The following XRRA1 variants were observed in gnomAD, a reference collection of about 807,000 sequenced individuals.
XRRA1 encodes the protein X-ray radiation resistance-associated protein 1.
In XRRA1, 69 loss-of-function variants were observed where a neutral mutation model predicts 80.2. The observed-to-expected ratio is 0.86, with a 90% CI of 0.71 to 1.05. The LOEUF (loss-of-function observed/expected upper bound fraction) is 1.05. Ranked by LOEUF, XRRA1 falls within the 50% of genes least tolerant of loss-of-function variation. XRRA1 has a pLI of 0.00. For synonymous variants in XRRA1, 348 were observed against 389.9 expected (o/e 0.89, Z 1.27); for missense variants, 967 against 976.4 (o/e 0.99, Z 0.13).
At chr11:74,867,917 C>CTTTTA (rs2043807992) in intron 10 of XRRA1, among the ~76,000 whole-genome samples, 2 of 106,748 alleles carry the variant, frequency 1.9e-5, no homozygotes, top group Non-Finnish European at 3.6e-5. Context: ...TATAGTCAAT[C>CTTTTA]TTTTTTTTTT....
At chr11:74,930,167 C>A in intron 6 of XRRA1, 133 bp downstream of exon 6, 1 of 764,804 alleles carries the variant, frequency 1.3e-6, no homozygotes. Context: ...TGCTCTCCAG[C>A]ACCCAGCCTA....
intron 11 of XRRA1, among the ~76,000 whole-genome samples, chr11:74,861,300 G>A (rs1289824762): frequency 2.0e-5 from 3 of 152,228 alleles, no homozygotes; most frequent in Non-Finnish European, 4.4e-5. Context: ...CAGTGGGTGA[G>A]TGAACAAAAA....
At chr11:74,931,011 T>G (rs1031055718) in intron 5 of XRRA1, among the ~76,000 whole-genome samples, 6 of 152,084 alleles carry the variant, frequency 3.9e-5, no homozygotes, top group African/African-American at 1.4e-4. Flanking sequence ...TTTGCCATGA[T>G]GCCCAGGCTG....
Position 74,940,879 on chromosome 11 carries a change from C to T in XRRA1, c.-1G>A, listed in dbSNP as rs779454903. ...GCTTGTAGATTCCTGAGAAGGCCAT[C>T]TCCCTGAGAGCCAGGCAAGGAAAGC... On this transcript the variant is annotated 5_prime_UTR_variant, in exon 3 of 19. Coordinates refer to ENST00000684022, the MANE Select transcript of XRRA1 (RefSeq NM_001378157.1). 1.2e-6 allele frequency: 2 copies of T among 1,605,362 alleles called. No homozygotes were observed.
chr11:74,906,886 G>T, intron 9 of XRRA1: 1 of 462,366 alleles, frequency 2.2e-6, no homozygotes, highest in South Asian at 3.8e-5. Flanking sequence ...TCCTATCTTG[G>T]GTAAAATCTC....
intron 12 of XRRA1, 57 bp from the exon 13 acceptor site, chr11:74,852,139 G>T: frequency 1.4e-6 from 2 of 1,422,612 alleles, no homozygotes; most frequent in Non-Finnish European, 2.0e-6. Context: ...CTCTACCCAG[G>T]TATGTCTAGG....
intron 8 of XRRA1, chr11:74,910,892 G>A (rs965229933): frequency 2.0e-5 from 3 of 152,330 alleles, no homozygotes; most frequent in African/African-American, 7.2e-5. Context: ...TTGGGCTAAT[G>A]CTCAGGTTCT....
At chr11:74,893,191 T>C (rs955636294) in intron 10 of XRRA1, among the ~76,000 whole-genome samples, 14 of 152,204 alleles carry the variant, frequency 9.2e-5, no homozygotes, top group Admixed American at 5.2e-4. Context: ...ATTAAGAAAA[T>C]GTGCCACATA....
At chr11:74,929,288 G>C (rs560558047) in intron 6 of XRRA1, among the ~76,000 whole-genome samples, 137 of 151,922 alleles carry the variant, frequency 9.0e-4, no homozygotes, top group African/African-American at 3.2e-3. Context: ...CTAAATCTCT[G>C]TCTGTCTCTC....
intron 2 of XRRA1, among the ~76,000 whole-genome samples, chr11:74,944,131 T>C (rs116209238): frequency 6.6e-6 from 1 of 152,312 alleles, no homozygotes; most frequent in African/African-American, 2.4e-5. Flanking sequence ...CTGTGAAGTC[T>C]TTCATCAGTA....
intron 8 of XRRA1, among the ~76,000 whole-genome samples, chr11:74,908,428 A>C (rs1354134788): frequency 4.6e-5 from 7 of 152,166 alleles, no homozygotes; most frequent in African/African-American, 1.7e-4. Context: ...GGGAAATGGA[A>C]GGGGGAGCTG....
rs770330467 is a variant in XRRA1 at position 74,937,027 on chromosome 11, T to C, written c.136A>G (p.Lys46Glu). 3 of 1,613,936 alleles carry C rather than the reference T, an allele frequency of 1.9e-6. No individual in the cohort carries two copies. The highest frequency in any genetic ancestry group is 1.1e-5 in the South Asian group (1 of 91,064). Reference protein sequence around the residue: ...WLVVQKGNLKKKPKGLVGAQA... With the variant: ...WLVVQKGNLKEKPKGLVGAQA... The stretch of plus-strand genomic sequence containing the variant: ...GCTCCAACCAAACCCTTGGGCTTCT[T>C]CTTGAGGTTACCTTTCTGAACCACT... The change falls in exon 4 of 19, where the codon AAG (lysine) becomes GAG (glutamate). Residue 46 changes from lysine to glutamate, a missense_variant. Lys to Glu is a moderately conservative substitution (Grantham distance 56). Coordinates refer to ENST00000684022, the MANE Select transcript of XRRA1 (RefSeq NM_001378157.1).
Position 74,843,056 on chromosome 11 carries a change from C to T in XRRA1, c.*144G>A, listed in dbSNP as rs900498052. 6.1e-5 allele frequency: 72 copies of T among 1,173,628 alleles called. No individual in the cohort carries two copies. Among genetic ancestry groups the T allele is most frequent in the Non-Finnish European group, 8.4e-5 (72 of 860,822 alleles). 72.7% of individuals were successfully genotyped at this position (1,173,628 alleles called of 1,614,324 possible). Reference sequence around the variant, plus strand: ...AGGGGAGATCCTGACAAGGGGATGCCACCTTGTGGCCAGCAAGTGGGGCCC... The same window carrying T: ...AGGGGAGATCCTGACAAGGGGATGCTACCTTGTGGCCAGCAAGTGGGGCCC... On this transcript the variant is annotated 3_prime_UTR_variant, in exon 19 of 19. Transcript: ENST00000684022.
intron 10 of XRRA1, among the ~76,000 whole-genome samples, chr11:74,902,592 A>G (rs939611895): frequency 6.6e-6 from 1 of 152,258 alleles, no homozygotes; most frequent in African/African-American, 2.4e-5. Context: ...GCCATTAAAA[A>G]GAATGAGATT....
At chr11:74,867,917 CTTTTT>C (rs60520990) in intron 10 of XRRA1, among the ~76,000 whole-genome samples, 2 of 106,748 alleles carry the variant, frequency 1.9e-5, no homozygotes, top group Admixed American at 1.1e-4. Context: ...TATAGTCAAT[CTTTTT>C]TTTTTTTTTT....
intron 10 of XRRA1, among the ~76,000 whole-genome samples, chr11:74,866,046 A>G (rs1234742454): frequency 6.6e-6 from 1 of 152,208 alleles, no homozygotes; most frequent in Non-Finnish European, 1.5e-5. Context: ...ACAAAGCCAG[A>G]CTACAAAGGC....
In XRRA1 at chr11:74,904,422, C is replaced by T. The variant is rs973474133; in HGVS notation, c.1003+1817G>A. Among the ~76,000 whole-genome samples, 8 of 151,054 alleles carry T rather than the reference C, an allele frequency of 5.3e-5. No individual in the cohort carries two copies. In the East Asian group the frequency reaches 1.2e-3, roughly 22 times the overall value. On this transcript the variant is annotated intron_variant, in intron 10 of 18. Transcript: ENST00000684022. ...TACAGTTTGAGCACGATCGTGTAAC[C>T]GCACTTCAGCCTGGGGTGATAGGGT...
chr11:74,845,257 A>G lies in XRRA1; in HGVS notation c.1743T>C (p.Pro581=), dbSNP rs759587279. 4 of 1,613,148 alleles carry G rather than the reference A, an allele frequency of 2.5e-6. No homozygotes were observed. Among genetic ancestry groups the G allele is most frequent in the African/African-American group, 1.3e-5 (1 of 75,048 alleles). ...AATCATCCTTATGGATGACGGAGGA[A>G]GGCAGTTCACTCACCTGTGCCCAGG... is the stretch of plus-strand genomic sequence containing the variant. The part of the protein sequence containing the change: ...SIFLTQVSEL[P]SSVIHKDDLE... Residue 581 remains proline (P), a synonymous_variant, in exon 16 of 19, where the codon CCT becomes CCC. Transcript: ENST00000684022.
At chr11:74,931,339 T>G (rs1223412896) in intron 5 of XRRA1, among the ~76,000 whole-genome samples, 2 of 152,044 alleles carry the variant, frequency 1.3e-5, no homozygotes. Context: ...TTTTTTTTTT[T>G]TTTGAGACAA....
Sources: gnomAD v4.1 joint callset for allele counts (sites outside exome capture counted in the v4.1 genomes callset) on GRCh38, gnomAD v4.1.1 for gene constraint, MANE v1.5 for transcripts, NCBI Gene and HGNC (gene_info 2026-07-23, HGNC 2026-07-21) for gene names.